The following ZNF184 variants were observed in gnomAD, a reference collection of about 807,000 sequenced individuals.
The protein encoded by ZNF184 is zinc finger protein 184 (Kruppel-like).
ZNF184 carries 16 observed loss-of-function variants against 54.4 expected under a neutral mutation model. That is an observed-to-expected ratio of 0.29 (90% CI 0.20 to 0.45). The LOEUF is 0.45. Among genes scored for constraint, ZNF184 ranks in the 20% least tolerant of loss-of-function variants. ZNF184 has a pLI of 1.00. For synonymous variants in ZNF184, 254 were observed against 295.3 expected (o/e 0.86, Z 1.43); for missense variants, 681 against 888.2 (o/e 0.77, Z 2.97).
intron 3 of ZNF184, among the ~76,000 whole-genome samples, chr6:27,458,137 A>G (rs1762906843): frequency 6.6e-6 from 1 of 151,990 alleles, no homozygotes; most frequent in Non-Finnish European, 1.5e-5. Flanking sequence ...AGTCAAAATA[A>G]AATAGAATAA....
chr6:27,418,269 T>C, the ZNF184 span, among the ~76,000 whole-genome samples: 1 of 152,296 alleles, frequency 6.6e-6, no homozygotes, highest in South Asian at 2.1e-4. Flanking sequence ...CCCCGTGCCA[T>C]AACACAGTGC....
chr6:27,408,057 CT>C, the ZNF184 span: 1 of 860,488 alleles, frequency 1.2e-6, no homozygotes, highest in Admixed American at 1.7e-5. Flanking sequence ...TGATTGAATA[CT>C]TTGATAATGC....
At chr6:27,432,050 A>G in the ZNF184 span, among the ~76,000 whole-genome samples, 1 of 152,128 alleles carries the variant, frequency 6.6e-6, no homozygotes, top group South Asian at 2.1e-4. The surrounding 1 kb of genome is among the most constrained non-coding windows in gnomAD (Gnocchi z 4.0). Flanking sequence ...TGGGACTGGG[A>G]TAAGGGTTTC....
chr6:27,427,568 A>G, the ZNF184 span, among the ~76,000 whole-genome samples: 1 of 152,062 alleles, frequency 6.6e-6, no homozygotes, highest in Non-Finnish European at 1.5e-5. Flanking sequence ...TCTCTCTCTA[A>G]TCTCTTTCTG....
At chr6:27,458,308 A>AG (rs1216378618) in intron 3 of ZNF184, among the ~76,000 whole-genome samples, 2 of 150,096 alleles carry the variant, frequency 1.3e-5, no homozygotes, top group African/African-American at 4.9e-5. Context: ...AAAAAAAAAA[A>AG]AAAAAAAAAA....
downstream of ZNF184, among the ~76,000 whole-genome samples, chr6:27,447,294 C>G (rs1762648606): frequency 6.6e-6 from 1 of 150,992 alleles, no homozygotes; most frequent in Non-Finnish European, 1.5e-5. Context: ...AATGTATTTT[C>G]TATGTGAGAA....
the ZNF184 span, among the ~76,000 whole-genome samples, chr6:27,426,868 T>C: frequency 6.6e-6 from 1 of 152,132 alleles, no homozygotes; most frequent in Non-Finnish European, 1.5e-5. The surrounding 1 kb of genome is among the most constrained non-coding windows in gnomAD (Gnocchi z 4.2). Flanking sequence ...ACTGATAACA[T>C]TTCACCAGTC....
chr6:27,441,907 C>T, the ZNF184 span, among the ~76,000 whole-genome samples: 1 of 152,194 alleles, frequency 6.6e-6, no homozygotes, highest in African/African-American at 2.4e-5. Flanking sequence ...TTTTCGTAGT[C>T]ATACCTATAG....
intron 3 of ZNF184, among the ~76,000 whole-genome samples, chr6:27,465,484 C>CAAAAAAA (rs60538455): frequency 2.6e-3 from 90 of 35,130 alleles, no homozygotes; most frequent in Non-Finnish European, 3.0e-3. Context: ...GACTCCATCT[C>CAAAAAAA]AAAAAAAAAA....
the ZNF184 span, among the ~76,000 whole-genome samples, chr6:27,424,560 G>C: frequency 1.3e-5 from 2 of 152,144 alleles, no homozygotes; most frequent in Non-Finnish European, 2.9e-5. Flanking sequence ...TGGACACAAA[G>C]GTTCTCCAAG....
At chr6:27,443,316 C>T in the ZNF184 span, among the ~76,000 whole-genome samples, 1 of 152,164 alleles carries the variant, frequency 6.6e-6, no homozygotes, top group Admixed American at 6.5e-5. Flanking sequence ...CCTAGAGCCC[C>T]CTAGCTCCTC....
At chr6:27,422,244 T>C in the ZNF184 span, among the ~76,000 whole-genome samples, 5 of 145,406 alleles carry the variant, frequency 3.4e-5, 1 homozygote, top group East Asian at 2.1e-4. Flanking sequence ...GAGACCACAC[T>C]GGCACATACA....
chr6:27,422,739 C>A, the ZNF184 span, among the ~76,000 whole-genome samples: 3 of 152,148 alleles, frequency 2.0e-5, no homozygotes, highest in Admixed American at 6.5e-5. Flanking sequence ...GAACGCCATA[C>A]AGTTACTATC....
the ZNF184 span, among the ~76,000 whole-genome samples, chr6:27,418,076 A>T: frequency 6.6e-6 from 1 of 152,240 alleles, no homozygotes; most frequent in Admixed American, 6.5e-5. Flanking sequence ...CTCACAAAAG[A>T]CAGTTCCTAA....
At chr6:27,414,538 C>T in the ZNF184 span, among the ~76,000 whole-genome samples, 1 of 152,072 alleles carries the variant, frequency 6.6e-6, no homozygotes, top group Non-Finnish European at 1.5e-5. Context: ...TACCAGGCCA[C>T]TCTTGCCACA....
the ZNF184 span, among the ~76,000 whole-genome samples, chr6:27,441,327 C>G: frequency 6.6e-6 from 1 of 152,214 alleles, no homozygotes; most frequent in South Asian, 2.1e-4. Flanking sequence ...GCAATCTGCC[C>G]GCCTCAGCCT....
chr6:27,453,045 G>T lies in ZNF184; in HGVS notation c.514C>A (p.Pro172Thr). 6.2e-7 allele frequency: 1 copy of T among 1,614,034 alleles called. No homozygotes were observed. Among genetic ancestry groups the T allele is most frequent in the Non-Finnish European group, 8.5e-7 (1 of 1,179,988 alleles). ...KEIKVTEKTI[P>T]SWEKGPVNNE... Reference sequence around the variant, plus strand: ...TTTACAGGGCCTTTTTCCCAACTGGGTATTGTCTTTTCGGTTACCTTTATT... The same window carrying T: ...TTTACAGGGCCTTTTTCCCAACTGGTTATTGTCTTTTCGGTTACCTTTATT... The change falls in exon 6 of 6, where the codon CCC becomes ACC. Residue 172 changes from proline (P) to threonine (T), a missense_variant. Coordinates refer to ENST00000683788, the MANE Select transcript of ZNF184 (RefSeq NM_001318891.2). This position sits in a 1 kb window ranked among gnomAD's most constrained non-coding sequence, Gnocchi z 4.7.
At chr6:27,421,180 T>C in the ZNF184 span, among the ~76,000 whole-genome samples, 1 of 152,208 alleles carries the variant, frequency 6.6e-6, no homozygotes, top group East Asian at 1.9e-4. Flanking sequence ...CACTATACAT[T>C]TGTTCAAATC....
At chr6:27,442,858 G>GAA in the ZNF184 span, among the ~76,000 whole-genome samples, 2 of 67,908 alleles carry the variant, frequency 2.9e-5, no homozygotes, top group African/African-American at 6.2e-5. Flanking sequence ...AAGAAAGAAA[G>GAA]AAAGAAAGAA....
Sources: allele counts gnomAD v4.1 joint callset (sites outside exome capture counted in the v4.1 genomes callset), GRCh38; gene constraint gnomAD v4.1.1; non-coding constraint Gnocchi (gnomAD v3.1); transcripts MANE v1.5; gene names NCBI Gene and HGNC (gene_info 2026-07-23, HGNC 2026-07-21).